TANC1: variants seen among roughly 807,000 people sequenced by gnomAD.
The protein encoded by TANC1 is tetratricopeptide repeat, ankyrin repeat and coiled-coil containing 1.
Under a neutral mutation model 149.7 loss-of-function variants are expected in TANC1, and 77 were observed. That is an observed-to-expected ratio of 0.51 (90% CI 0.43 to 0.62). The LOEUF (loss-of-function observed/expected upper bound fraction) is 0.62. Ranked by LOEUF, TANC1 falls within the 20% of genes least tolerant of loss-of-function variation. The probability of loss-of-function intolerance (pLI) is 0.00; values close to 1 mark genes in which losing one functional copy is unlikely to be tolerated. For synonymous variants in TANC1, 854 were observed against 925.0 expected, an observed-to-expected ratio of 0.92 and a Z score of 1.39; for missense variants, 1,985 against 2,321.8, an observed-to-expected ratio of 0.85 and a Z score of 2.98.
chr2:159,224,617 C>T, intron 23 of TANC1: 1 of 436,884 alleles, frequency 2.3e-6, no homozygotes, highest in South Asian at 3.3e-5. Flanking sequence ...GGCCAGGAAC[C>T]ACGCCAGAGA....
intron 1 of TANC1, among the ~76,000 whole-genome samples, chr2:158,971,267 A>T (rs2032839266): frequency 6.6e-6 from 1 of 152,050 alleles, no homozygotes; most frequent in Admixed American, 6.5e-5. Flanking sequence ...TATTATAATG[A>T]CTCCTGCCAG....
At chr2:159,154,345 A>G (rs1023963657) in intron 7 of TANC1, among the ~76,000 whole-genome samples, 80 of 152,354 alleles carry the variant, frequency 5.3e-4, no homozygotes, top group African/African-American at 1.7e-3. Flanking sequence ...TGTCCAGCAG[A>G]TGCAGGGACA....
At chr2:158,973,804 C>G (rs1023791324) in intron 1 of TANC1, among the ~76,000 whole-genome samples, 82 of 152,162 alleles carry the variant, frequency 5.4e-4, no homozygotes, top group African/African-American at 2.0e-3. Context: ...GTGATGTACA[C>G]CCCTGTAGTC....
intron 4 of TANC1, among the ~76,000 whole-genome samples, chr2:159,116,543 G>A (rs902239985): frequency 6.6e-6 from 1 of 152,224 alleles, no homozygotes; most frequent in Admixed American, 6.5e-5. Flanking sequence ...TTCTGTCAAG[G>A]GCCAGATAGT....
intron 14 of TANC1, among the ~76,000 whole-genome samples, chr2:159,179,670 A>G (rs1411241950): frequency 2.6e-5 from 4 of 152,166 alleles, no homozygotes; most frequent in Non-Finnish European, 4.4e-5. Flanking sequence ...AGGGAGCACC[A>G]TGATCCAATC....
At chr2:159,178,432 T>C (rs1214463534) in intron 13 of TANC1, 124 bp from the exon 14 acceptor site, 1 of 1,130,212 alleles carries the variant, frequency 8.8e-7, no homozygotes, top group African/African-American at 1.6e-5. Context: ...TACAAAACAA[T>C]GAGTCCCTGT....
chr2:159,203,320 C>T (rs2058381302), intron 19 of TANC1, among the ~76,000 whole-genome samples: 1 of 151,452 alleles, frequency 6.6e-6, no homozygotes. Context: ...GCTTCTCCTG[C>T]CTCAGCCTCC....
intron 18 of TANC1, among the ~76,000 whole-genome samples, chr2:159,197,601 T>C (rs967204129): frequency 1.4e-5 from 2 of 144,914 alleles, no homozygotes; most frequent in African/African-American, 5.0e-5. Flanking sequence ...GGTTTAAACA[T>C]TAAACACACA....
rs2041562133 is a variant in TANC1 at position 159,052,731 on chromosome 2, C to T, written c.-15-13165C>T. 3.3e-5 allele frequency among the ~76,000 whole-genome samples: 5 copies of T among 152,102 alleles called. No individual in the cohort carries two copies. The South Asian group carries it at 6.2e-4, about 19-fold the overall frequency. On this transcript the variant is annotated intron_variant, in intron 2 of 26. Transcript: ENST00000263635. ...TTGCTTCAATCATGAAAGTGGGCAA[C>T]CAACCATGTAAGATCAACAGGACAT...
chr2:159,023,111 T>C (rs1033118362), intron 2 of TANC1, among the ~76,000 whole-genome samples: 1 of 152,108 alleles, frequency 6.6e-6, no homozygotes, highest in Non-Finnish European at 1.5e-5. Context: ...TGCTTCCAAG[T>C]GAAAGGAAGT....
chr2:159,142,384 A>C (rs1438956544), intron 5 of TANC1, among the ~76,000 whole-genome samples: 1 of 152,258 alleles, frequency 6.6e-6, no homozygotes, highest in Non-Finnish European at 1.5e-5. Context: ...CTGATACCTT[A>C]GTATATGTCA....
chr2:159,128,901 A>G (rs1044523754), intron 4 of TANC1, among the ~76,000 whole-genome samples: 2 of 152,184 alleles, frequency 1.3e-5, no homozygotes, highest in Non-Finnish European at 2.9e-5. Context: ...TTGGCTATTT[A>G]ATGCAATTTG....
intron 1 of TANC1, among the ~76,000 whole-genome samples, chr2:158,991,643 G>A (rs1168169989): frequency 1.3e-5 from 2 of 152,050 alleles, no homozygotes; most frequent in East Asian, 3.9e-4. Flanking sequence ...AGTCCTGGGA[G>A]GCTGAGGCGG....
At chr2:158,994,977 G>T (rs1277833259) in intron 1 of TANC1, among the ~76,000 whole-genome samples, 1 of 152,184 alleles carries the variant, frequency 6.6e-6, no homozygotes, top group Admixed American at 6.5e-5. Flanking sequence ...GGAAGGCTTC[G>T]AGCTGGACAG....
At chr2:159,014,415 C>T (rs1262754986) in intron 2 of TANC1, among the ~76,000 whole-genome samples, 1 of 152,200 alleles carries the variant, frequency 6.6e-6, no homozygotes, top group African/African-American at 2.4e-5. Context: ...CACTGGGTCC[C>T]TCCCACAACA....
intron 15 of TANC1, 96 bp downstream of exon 15, chr2:159,185,995 C>A: frequency 1.1e-6 from 1 of 901,338 alleles, no homozygotes; most frequent in Non-Finnish European, 1.8e-6. Context: ...ATCCAAGAAA[C>A]GCTCCATGCA....
chr2:158,997,818 T>C (rs2036269046), intron 1 of TANC1, among the ~76,000 whole-genome samples: 1 of 152,194 alleles, frequency 6.6e-6, no homozygotes, highest in Admixed American at 6.5e-5. Flanking sequence ...TGTTTGCAGA[T>C]ACCTCCCCGT....
chr2:159,090,140 G>A (rs2045371153), intron 3 of TANC1, among the ~76,000 whole-genome samples: 1 of 152,146 alleles, frequency 6.6e-6, no homozygotes, highest in Admixed American at 6.5e-5. Flanking sequence ...GGTTCGATGT[G>A]TATCCTTCTC....
At chr2:159,151,034 G>A (rs1343068166) in intron 7 of TANC1, among the ~76,000 whole-genome samples, 1 of 152,124 alleles carries the variant, frequency 6.6e-6, no homozygotes, top group Non-Finnish European at 1.5e-5. Flanking sequence ...AATTTTCTAA[G>A]GATGACCTCC....
Sources: allele counts gnomAD v4.1 joint callset (sites outside exome capture counted in the v4.1 genomes callset), GRCh38; gene constraint gnomAD v4.1.1; transcripts MANE v1.5; gene names NCBI Gene and HGNC (gene_info 2026-07-23, HGNC 2026-07-21).